Variants in PDE4DIP observed in about 807,000 individuals in gnomAD.
PDE4DIP encodes the protein myomegalin.
PDE4DIP carries 59 observed loss-of-function variants against 221.4 expected under a neutral mutation model. The ratio of observed to expected loss-of-function variants is 0.27; its 90% CI spans 0.22 to 0.33. The LOEUF is 0.33. PDE4DIP is among the 10% of genes least tolerant of loss of function. PDE4DIP has a pLI of 1.00. For synonymous variants in PDE4DIP, 404 were observed against 815.9 expected (o/e 0.50, Z 8.60); for missense variants, 1,036 against 2,154.2 (o/e 0.48, Z 10.28).
intron 4 of PDE4DIP, among the ~76,000 whole-genome samples, chr1:148,936,784 C>T (rs1204614093): frequency 1.3e-5 from 2 of 151,818 alleles, no homozygotes; most frequent in East Asian, 3.9e-4. Context: ...CCTAGGCCTA[C>T]ACAGTGTCAG....
intron 1 of PDE4DIP, among the ~76,000 whole-genome samples, chr1:148,861,372 C>T (rs1684045242): frequency 5.7e-5 from 1 of 17,490 alleles, no homozygotes; most frequent in Admixed American, 5.0e-4. Flanking sequence ...GGCGCAGTGG[C>T]TCATGCCTGT....
chr1:148,970,586 C>A (rs2059030173), intron 14 of PDE4DIP, among the ~76,000 whole-genome samples: 1 of 151,258 alleles, frequency 6.6e-6, no homozygotes. Flanking sequence ...GAGCTCAACT[C>A]CAGAGAAAGA....
At chr1:148,917,176 C>T (rs1441635368) in intron 1 of PDE4DIP, among the ~76,000 whole-genome samples, 3 of 151,714 alleles carry the variant, frequency 2.0e-5, no homozygotes, top group Non-Finnish European at 4.4e-5. Flanking sequence ...CTCAGTTGGG[C>T]CACATCAACA....
In PDE4DIP at chr1:148,907,120, G is replaced by A. The variant is rs587645084; in HGVS notation, c.141+17226G>A. 6.4e-4 allele frequency among the ~76,000 whole-genome samples: 84 copies of A among 131,378 alleles called. 1 individual carries two copies. The highest frequency in any genetic ancestry group is 1.0e-3 in the Non-Finnish European group (62 of 62,036). The allele number at this position is 131,378 out of a possible 152,430, so 86.2% of individuals were successfully genotyped here. On this transcript the variant is annotated intron_variant, in intron 1 of 43. Coordinates refer to ENST00000369354, the Ensembl canonical transcript of PDE4DIP. ...TTTTGCTTTTGGTGTCCATTTGCAT[G>A]AAATGTCTTTTTCCACCCCTTTACC...
intron 19 of PDE4DIP, among the ~76,000 whole-genome samples, chr1:148,978,753 C>T (rs1553539898): frequency 1.3e-5 from 2 of 152,002 alleles, no homozygotes; most frequent in Non-Finnish European, 2.9e-5. Context: ...CGGCTCAAAC[C>T]TTATTTTTCT....
At chr1:148,890,840 T>C (rs1698319784) in intron 1 of PDE4DIP, among the ~76,000 whole-genome samples, 1 of 55,982 alleles carries the variant, frequency 1.8e-5, no homozygotes, top group Non-Finnish European at 2.9e-5. Context: ...CTTTAGATCC[T>C]CCCACCTCAG....
intron 1 of PDE4DIP, among the ~76,000 whole-genome samples, chr1:148,902,717 C>CATATATATATATATAT (rs57845050): frequency 3.0e-5 from 2 of 66,394 alleles, no homozygotes; most frequent in African/African-American, 2.0e-4. Flanking sequence ...AGTATTCTAT[C>CATATATATATATATAT]ATATATATAT....
intron 40 of PDE4DIP, 100 bp from the exon 44 acceptor site, chr1:149,028,460 A>G (rs1252777180): frequency 2.9e-5 from 27 of 942,794 alleles, no homozygotes; most frequent in Non-Finnish European, 4.3e-5. Context: ...TCACAGGTTC[A>G]AGCAGGCCCA....
intron 22 of PDE4DIP, among the ~76,000 whole-genome samples, chr1:148,994,953 C>T (rs2063856002): frequency 6.6e-6 from 1 of 151,990 alleles, no homozygotes; most frequent in African/African-American, 2.4e-5. Flanking sequence ...TTCATGTTGT[C>T]ACAAATGACA....
chr1:148,838,680 A>G (rs1446993841), intron 1 of PDE4DIP, among the ~76,000 whole-genome samples: 1 of 129,844 alleles, frequency 7.7e-6, no homozygotes, highest in African/African-American at 2.7e-5. Context: ...TTTTTAATCA[A>G]TATCTTATAA....
chr1:149,009,691 C>G lies in PDE4DIP; in HGVS notation c.4827C>G (p.Ser1609Arg), dbSNP rs587613536. 5.0e-6 allele frequency: 8 copies of G among 1,614,174 alleles called. No homozygotes were observed. In the African/African-American group the frequency reaches 9.3e-5, roughly 19 times the overall value. ...CTGACTCCCACCGCTCTCCCAGCAG[C>G]ACCTCTTTCCTGTCTGATGAACTGG... Residue 1609 changes from serine (S) to arginine (R), a missense_variant, in exon 30 of 44, where the codon AGC becomes AGG. Coordinates refer to ENST00000369354, the Ensembl canonical transcript of PDE4DIP.
intron 5 of PDE4DIP, chr1:148,952,276 G>C (rs2053581045): frequency 4.1e-6 from 4 of 964,922 alleles, no homozygotes; most frequent in African/African-American, 3.9e-5. Flanking sequence ...TGGCTACCTC[G>C]CATGCGCAGA....
chr1:149,032,020 C>T lies in PDE4DIP; in HGVS notation c.*35C>T, dbSNP rs372972542. 3 of 1,610,732 alleles carry T rather than the reference C, an allele frequency of 1.9e-6. No individual in the cohort carries two copies. The African/African-American group carries it at 4.0e-5, about 22-fold the overall frequency. ...TCCAGGAACCATGCAAGAAGCGCAG[C>T]CACCAGAAGTCCTTAAAACAGCAGG... is the stretch of plus-strand genomic sequence containing the variant. On this transcript the variant is annotated 3_prime_UTR_variant, in exon 44 of 44. Coordinates refer to ENST00000369354, the Ensembl canonical transcript of PDE4DIP.
chr1:148,992,091 A>G (rs1257756160), intron 22 of PDE4DIP, 118 bp downstream of exon 25: 3 of 919,418 alleles, frequency 3.3e-6, no homozygotes, highest in Admixed American at 2.0e-5. Context: ...TACATAAACT[A>G]CTTCTCAGTC....
intron 17 of PDE4DIP, among the ~76,000 whole-genome samples, chr1:148,975,643 C>A (rs2060033164): frequency 6.6e-6 from 1 of 152,168 alleles, no homozygotes; most frequent in Non-Finnish European, 1.5e-5. Context: ...CTTAGAGATT[C>A]CCTTCCCCCT....
exon 44 of PDE4DIP, chr1:149,032,024 C>T (rs587690353): frequency 3.7e-6 from 6 of 1,611,218 alleles, no homozygotes; most frequent in Middle Eastern, 2.3e-4. Context: ...GCGCAGCCAC[C>T]AGAAGTCCTT....
At chr1:148,926,756 G>A (rs1553466032) in intron 1 of PDE4DIP, among the ~76,000 whole-genome samples, 1 of 151,804 alleles carries the variant, frequency 6.6e-6, no homozygotes, top group African/African-American at 2.4e-5. Flanking sequence ...TCTAGCTTAG[G>A]GACTATTTTT....
In PDE4DIP at chr1:148,918,530, A is replaced by C. The variant is rs1297405824; in HGVS notation, c.142-10667A>C. Among the ~76,000 whole-genome samples the C allele has an allele frequency of 3.1e-5, 4 of 127,806 alleles. No homozygotes were observed. In the East Asian group the frequency reaches 6.6e-4, roughly 21 times the overall value. 83.8% of individuals were successfully genotyped at this position (127,806 alleles called of 152,430 possible). A position where few individuals can be genotyped will look rare whatever the true frequency, so the allele number is the denominator to read the frequency against. On this transcript the variant is annotated intron_variant, in intron 1 of 43. Transcript: ENST00000369354. Reference sequence around the variant, plus strand: ...GGTGCTTACTAAGTATTTTATGAAAAAGCAAATGAATAAACAAATGATACT... The same window carrying C: ...GGTGCTTACTAAGTATTTTATGAAACAGCAAATGAATAAACAAATGATACT...
chr1:148,930,131 T>C (rs1269270543), intron 2 of PDE4DIP: 5 of 151,882 alleles, frequency 3.3e-5, no homozygotes, highest in Admixed American at 3.3e-4. Flanking sequence ...TTTAAAAGCT[T>C]AGTGTTAAAT....
Sources: gnomAD v4.1 joint callset for allele counts (sites outside exome capture counted in the v4.1 genomes callset) on GRCh38, gnomAD v4.1.1 for gene constraint, MANE v1.5 for transcripts, NCBI Gene and HGNC (gene_info 2026-07-23, HGNC 2026-07-21) for gene names.